METAP1: variants seen among roughly 807,000 people sequenced by gnomAD.
METAP1 encodes methionyl aminopeptidase 1.
Under a neutral mutation model 53.8 loss-of-function variants are expected in METAP1, and 28 were observed. That is an observed-to-expected ratio of 0.52 (90% CI 0.39 to 0.71). The LOEUF is 0.71. Among genes scored for constraint, METAP1 ranks in the 30% least tolerant of loss-of-function variants. The pLI, the probability that METAP1 is intolerant of heterozygous loss-of-function variation, is 0.00. For missense variants in METAP1, 389 were observed against 479.8 expected, an observed-to-expected ratio of 0.81 and a Z score of 1.77; for synonymous variants, 181 against 165.7, an observed-to-expected ratio of 1.09 and a Z score of -0.71.
At chr4:99,002,126 T>G (rs1361870466) in intron 1 of METAP1, among the ~76,000 whole-genome samples, 2 of 152,222 alleles carry the variant, frequency 1.3e-5, no homozygotes, top group Non-Finnish European at 2.9e-5. Context: ...TTTAGCATAT[T>G]TGCAAAATTT....
intron 1 of METAP1, among the ~76,000 whole-genome samples, chr4:99,004,670 A>T (rs978205467): frequency 6.6e-6 from 1 of 152,300 alleles, no homozygotes; most frequent in East Asian, 1.9e-4. Context: ...GGTATTCCAT[A>T]TCCTGAATTT....
chr4:99,018,181 C>T (rs1328436100), intron 1 of METAP1, among the ~76,000 whole-genome samples: 1 of 152,210 alleles, frequency 6.6e-6, no homozygotes, highest in Non-Finnish European at 1.5e-5. Context: ...GGCAAGGAGA[C>T]ATTTCCCTCG....
intron 1 of METAP1, among the ~76,000 whole-genome samples, chr4:99,024,874 A>G (rs931136548): frequency 5.3e-5 from 8 of 151,964 alleles, no homozygotes; most frequent in South Asian, 2.1e-4. Flanking sequence ...GTGAAAGACA[A>G]TTTTTCCATG....
chr4:99,035,224 C>G (rs1426481699), intron 3 of METAP1, among the ~76,000 whole-genome samples, 176 bp from the exon 4 acceptor site: 3 of 152,124 alleles, frequency 2.0e-5, no homozygotes, highest in Non-Finnish European at 2.9e-5. Context: ...AAATACCCTG[C>G]AAAAGGGGTG....
chr4:99,009,136 C>A (rs912725437), intron 1 of METAP1, among the ~76,000 whole-genome samples: 15 of 152,162 alleles, frequency 9.9e-5, no homozygotes, highest in Admixed American at 3.9e-4. Context: ...AATATTTGTT[C>A]TTTTGTGACT....
chr4:99,015,268 T>C (rs910631891), intron 1 of METAP1, among the ~76,000 whole-genome samples: 1 of 152,234 alleles, frequency 6.6e-6, no homozygotes. Context: ...GCTTTTGTCT[T>C]ATCATTTAGT....
intron 7 of METAP1, among the ~76,000 whole-genome samples, chr4:99,044,217 C>T (rs1031124793): frequency 1.3e-5 from 2 of 152,118 alleles, no homozygotes; most frequent in Non-Finnish European, 2.9e-5. Context: ...CATGAGCCAC[C>T]GTGCCTGGCT....
chr4:99,002,122 A>G (rs1722951593), intron 1 of METAP1, among the ~76,000 whole-genome samples: 1 of 152,198 alleles, frequency 6.6e-6, no homozygotes, highest in South Asian at 2.1e-4. Flanking sequence ...CATGTTTAGC[A>G]TATTTGCAAA....
Position 99,023,683 on chromosome 4 carries a change from GGT to G in METAP1, c.115-5183_115-5182del, listed in dbSNP as rs1283060012. On this transcript the variant is annotated intron_variant, in intron 1 of 10. Transcript: ENST00000296411. The stretch of plus-strand genomic sequence containing the variant: ...TTGGAATAGGAAAGAATTTGAGAGA[GGT>G]TCAAGATGGGGAGATATGTTGTGAA... The G allele has an allele frequency of 1.0e-5, 10 of 985,292 alleles. No individual in the cohort carries two copies. In the African/African-American group the frequency reaches 1.6e-4, roughly 15 times the overall value. The allele number at this position is 985,292 out of a possible 1,614,324, so 61.0% of individuals were successfully genotyped here. A position where few individuals can be genotyped will look rare whatever the true frequency, so the allele number is the denominator to read the frequency against.
intron 6 of METAP1, among the ~76,000 whole-genome samples, chr4:99,041,634 G>T (rs1369473671): frequency 6.6e-6 from 1 of 151,742 alleles, no homozygotes; most frequent in African/African-American, 2.4e-5. Context: ...CACATTATAT[G>T]AATTTTAAAA....
At chr4:99,023,275 G>A (rs908210991) in intron 1 of METAP1, 3 of 445,434 alleles carry the variant, frequency 6.7e-6, no homozygotes, top group Admixed American at 9.8e-5. Context: ...TAATGCTATA[G>A]TGAGCATTAA....
chr4:99,058,348 G>A (rs996260580), intron 10 of METAP1, among the ~76,000 whole-genome samples: 4 of 151,430 alleles, frequency 2.6e-5, no homozygotes, highest in Non-Finnish European at 5.9e-5. Context: ...CTCATGAGCT[G>A]TTCTGACCCT....
At chr4:99,021,133 C>T (rs568973160) in intron 1 of METAP1, among the ~76,000 whole-genome samples, 1 of 152,324 alleles carries the variant, frequency 6.6e-6, no homozygotes, top group East Asian at 1.9e-4. Flanking sequence ...CCTGTATTCT[C>T]AGTTCCCTGG....
chr4:99,030,331 T>G (rs1724918157), intron 2 of METAP1, among the ~76,000 whole-genome samples: 1 of 152,210 alleles, frequency 6.6e-6, no homozygotes, highest in Non-Finnish European at 1.5e-5. Context: ...AAACAGCAAG[T>G]GTTCCCTATG....
chr4:99,027,836 A>G (rs1233232086), intron 1 of METAP1, among the ~76,000 whole-genome samples: 1 of 152,210 alleles, frequency 6.6e-6, no homozygotes, highest in Non-Finnish European at 1.5e-5. Flanking sequence ...GAAAGAGTAA[A>G]GAGAAAGTAG....
intron 9 of METAP1, among the ~76,000 whole-genome samples, chr4:99,051,299 T>C (rs951998376): frequency 1.3e-5 from 2 of 152,234 alleles, no homozygotes; most frequent in African/African-American, 4.8e-5. Flanking sequence ...GCCACTGTTA[T>C]ACAAAAGGTG....
chr4:99,017,318 A>G (rs1376762794), intron 1 of METAP1, among the ~76,000 whole-genome samples: 1 of 152,140 alleles, frequency 6.6e-6, no homozygotes, highest in Admixed American at 6.5e-5. Flanking sequence ...TTCCTATCTC[A>G]TTTTCTGGAT....
intron 8 of METAP1, among the ~76,000 whole-genome samples, chr4:99,046,090 T>G (rs1161142001): frequency 6.6e-6 from 1 of 152,158 alleles, no homozygotes; most frequent in Non-Finnish European, 1.5e-5. Context: ...ATCGAGGCTT[T>G]TTTGTTTAAT....
intron 1 of METAP1, among the ~76,000 whole-genome samples, chr4:99,009,909 C>A (rs1267173814): frequency 6.6e-6 from 1 of 152,124 alleles, no homozygotes; most frequent in African/African-American, 2.4e-5. Context: ...CTTTAATTGC[C>A]TGTGCTTTTG....
Sources: allele counts gnomAD v4.1 joint callset (sites outside exome capture counted in the v4.1 genomes callset), GRCh38; gene constraint gnomAD v4.1.1; transcripts MANE v1.5; gene names NCBI Gene and HGNC (gene_info 2026-07-23, HGNC 2026-07-21).